The following OTUD7A variants were observed in gnomAD, a reference collection of about 807,000 sequenced individuals.
OTUD7A encodes the protein OTU deubiquitinase 7A.
Under a neutral mutation model 65.7 loss-of-function variants are expected in OTUD7A, and 12 were observed. The observed-to-expected ratio is 0.18, with a 90% CI of 0.12 to 0.30. OTUD7A has a LOEUF of 0.30. OTUD7A is among the 10% of genes least tolerant of loss of function. OTUD7A has a pLI of 1.00. For missense variants in OTUD7A, 1,148 were observed against 1,304.8 expected, an observed-to-expected ratio of 0.88 and a Z score of 1.85; for synonymous variants, 641 against 586.3, an observed-to-expected ratio of 1.09 and a Z score of -1.35.
chr15:31,647,296 G>A (rs1161263558), intron 3 of OTUD7A, among the ~76,000 whole-genome samples: 5 of 152,130 alleles, frequency 3.3e-5, no homozygotes, highest in Non-Finnish European at 5.9e-5. Context: ...TCCTCTAATC[G>A]CACACACTTG....
intron 8 of OTUD7A, among the ~76,000 whole-genome samples, chr15:31,523,000 G>A (rs1424892641): frequency 6.6e-6 from 1 of 152,196 alleles, no homozygotes; most frequent in African/African-American, 2.4e-5. Context: ...CTCATCCGTG[G>A]GGAACAGGTT....
chr15:31,674,758 G>A (rs1375825300), intron 1 of OTUD7A, among the ~76,000 whole-genome samples: 2 of 152,196 alleles, frequency 1.3e-5, no homozygotes, highest in Non-Finnish European at 2.9e-5. Context: ...AGGCTTAAAT[G>A]GAATAGTCCT....
chr15:31,848,080 TG>T (rs1897330051), intron 1 of OTUD7A, among the ~76,000 whole-genome samples: 1 of 152,176 alleles, frequency 6.6e-6, no homozygotes, highest in Non-Finnish European at 1.5e-5. Flanking sequence ...ACCTGCAACT[TG>T]CCCTTCAGGA....
chr15:31,564,752 A>C (rs1888811517), intron 4 of OTUD7A, among the ~76,000 whole-genome samples: 1 of 152,150 alleles, frequency 6.6e-6, no homozygotes, highest in Admixed American at 6.5e-5. Flanking sequence ...CTTGGATTGG[A>C]TAATAAAATG....
Position 31,483,756 on chromosome 15 carries a change from G to A in OTUD7A, c.2340C>T (p.His780=), listed in dbSNP as rs1359513062. ...PPAPARQSVI[H]VQASGARDEA... ...CGTCCCGCGCGCCCGACGCCTGCACGTGGATGACGCTCTGGCGCGCTGGCG... is the reference window on the plus strand; with the variant it reads ...CGTCCCGCGCGCCCGACGCCTGCACATGGATGACGCTCTGGCGCGCTGGCG... Residue 780 remains histidine (H), a synonymous_variant, in exon 13 of 13, where the codon CAC becomes CAT. Coordinates refer to ENST00000307050, the MANE Select transcript of OTUD7A (RefSeq NM_001382637.1). 1.8e-6 allele frequency: 2 copies of A among 1,088,026 alleles called. No homozygotes were observed. Among genetic ancestry groups the A allele is most frequent in the Admixed American group, 5.2e-5 (1 of 19,078 alleles). The allele number at this position is 1,088,026 out of a possible 1,614,324, so 67.4% of individuals were successfully genotyped here.
intron 3 of OTUD7A, among the ~76,000 whole-genome samples, chr15:31,580,128 G>T (rs1385582043): frequency 6.6e-6 from 1 of 152,236 alleles, no homozygotes; most frequent in Non-Finnish European, 1.5e-5. Context: ...AGGGAGAGGG[G>T]TGTTACTGGA....
chr15:31,788,052 G>A (rs534020976), intron 1 of OTUD7A, among the ~76,000 whole-genome samples: 1 of 152,262 alleles, frequency 6.6e-6, no homozygotes, highest in Non-Finnish European at 1.5e-5. Context: ...ACCCCACATG[G>A]CACTCAATAA....
intron 3 of OTUD7A, among the ~76,000 whole-genome samples, chr15:31,640,004 A>G (rs1017175625): frequency 3.9e-5 from 6 of 152,250 alleles, no homozygotes; most frequent in Non-Finnish European, 7.3e-5. Context: ...AAGCAGTTTA[A>G]GTTTTTAATG....
chr15:31,562,865 T>C (rs34549002), intron 4 of OTUD7A, among the ~76,000 whole-genome samples: 8,348 of 152,228 alleles, frequency 0.055, 516 homozygotes, highest in African/African-American at 0.15. Context: ...ACAGCCCAGA[T>C]TGGGCTCACA....
At chr15:31,767,685 C>T in intron 1 of OTUD7A, 1 of 734,556 alleles carries the variant, frequency 1.4e-6, no homozygotes, top group East Asian at 2.5e-5. Flanking sequence ...CTATCATCAA[C>T]TGCATTTTCT....
chr15:31,840,662 A>T (rs1406995840), intron 1 of OTUD7A, among the ~76,000 whole-genome samples: 1 of 152,154 alleles, frequency 6.6e-6, no homozygotes, highest in Non-Finnish European at 1.5e-5. Context: ...ACATGCTTTT[A>T]AGGTAAATGC....
At chr15:31,656,339 A>C (rs1458493981) in intron 2 of OTUD7A, among the ~76,000 whole-genome samples, 1 of 152,022 alleles carries the variant, frequency 6.6e-6, no homozygotes, top group Non-Finnish European at 1.5e-5. Flanking sequence ...GAGGTCTGCA[A>C]GTTATAGACC....
At chr15:31,739,073 CT>C (rs1192798387) in intron 1 of OTUD7A, among the ~76,000 whole-genome samples, 1 of 152,154 alleles carries the variant, frequency 6.6e-6, no homozygotes, top group Non-Finnish European at 1.5e-5. Context: ...GCAGCCCAGA[CT>C]TGTCACAGAG....
intron 1 of OTUD7A, among the ~76,000 whole-genome samples, chr15:31,812,803 A>C (rs1896454372): frequency 1.3e-5 from 2 of 152,130 alleles, no homozygotes; most frequent in African/African-American, 4.8e-5. Context: ...CCATGTGAGG[A>C]GCTTTGCTAG....
intron 1 of OTUD7A, among the ~76,000 whole-genome samples, chr15:31,860,677 G>GTGAATATA (rs560896384): frequency 2.7e-5 from 2 of 73,284 alleles, no homozygotes; most frequent in Non-Finnish European, 5.3e-5. Context: ...ATGTATGTGT[G>GTGAATATA]TATATATATA....
chr15:31,669,825 A>G (rs529652936), intron 1 of OTUD7A, among the ~76,000 whole-genome samples: 15 of 151,810 alleles, frequency 9.9e-5, no homozygotes, highest in Admixed American at 3.3e-4. Flanking sequence ...GGCCTTTCCC[A>G]CTGCTTCCTC....
At chr15:31,533,126 C>T (rs1380992472) in intron 5 of OTUD7A, among the ~76,000 whole-genome samples, 1 of 151,834 alleles carries the variant, frequency 6.6e-6, no homozygotes, top group African/African-American at 2.4e-5. Flanking sequence ...ACAAAGAAAC[C>T]TTAAAAGCTG....
chr15:31,736,849 G>C (rs1379256731), intron 1 of OTUD7A, among the ~76,000 whole-genome samples: 3 of 152,106 alleles, frequency 2.0e-5, no homozygotes, highest in Admixed American at 6.6e-5. Context: ...GGGGGACGGA[G>C]TCTCGCTCTG....
intron 1 of OTUD7A, among the ~76,000 whole-genome samples, chr15:31,800,552 C>T (rs1006848319): frequency 7.9e-5 from 12 of 152,206 alleles, no homozygotes; most frequent in African/African-American, 2.7e-4. Flanking sequence ...ACCCAATGGC[C>T]TCTGTGGCTG....
Sources: allele counts gnomAD v4.1 joint callset (sites outside exome capture counted in the v4.1 genomes callset), GRCh38; gene constraint gnomAD v4.1.1; transcripts MANE v1.5; gene names NCBI Gene and HGNC (gene_info 2026-07-23, HGNC 2026-07-21).